The following ROBO2 variants were observed in gnomAD, a reference collection of about 807,000 sequenced individuals.
The protein encoded by ROBO2 is roundabout guidance receptor 2.
In ROBO2, 53 loss-of-function variants were observed where a neutral mutation model predicts 160.8. The observed-to-expected ratio is 0.33, with a 90% CI of 0.26 to 0.41. ROBO2 has a LOEUF of 0.41. Among genes scored for constraint, ROBO2 ranks in the 10% least tolerant of loss-of-function variants. The pLI, the probability that ROBO2 is intolerant of heterozygous loss-of-function variation, is 1.00. For synonymous variants in ROBO2, 664 were observed against 611.7 expected (o/e 1.09, Z -1.26); for missense variants, 1,577 against 1,722.4 (o/e 0.92, Z 1.49).
intron 2 of ROBO2, among the ~76,000 whole-genome samples, chr3:77,446,988 T>C (rs569809396): frequency 6.6e-6 from 1 of 152,198 alleles, no homozygotes. Flanking sequence ...CAAAATAGTT[T>C]GGGGAAATGA....
chr3:76,675,396 C>G (rs966562849), intron 2 of ROBO2, among the ~76,000 whole-genome samples: 6 of 151,122 alleles, frequency 4.0e-5, no homozygotes, highest in Admixed American at 1.3e-4. Context: ...AGAGTTTTTG[C>G]TCCCTTTGAG....
intron 2 of ROBO2, among the ~76,000 whole-genome samples, chr3:77,396,519 A>T (rs2075297933): frequency 6.6e-6 from 1 of 152,174 alleles, no homozygotes; most frequent in Non-Finnish European, 1.5e-5. Flanking sequence ...GAGGACAATT[A>T]TGCAGAATCA....
At chr3:77,158,447 G>A (rs2078204839) in intron 2 of ROBO2, among the ~76,000 whole-genome samples, 1 of 152,042 alleles carries the variant, frequency 6.6e-6, no homozygotes, top group Non-Finnish European at 1.5e-5. Flanking sequence ...ATGTAACTGG[G>A]GATACTGCAG....
chr3:77,467,948 A>C (rs947720367), intron 2 of ROBO2, among the ~76,000 whole-genome samples: 3 of 152,200 alleles, frequency 2.0e-5, no homozygotes, highest in African/African-American at 4.8e-5. Context: ...TTTGTTCTGC[A>C]GCTGAGCAAG....
At chr3:77,174,978 G>A (rs978102112) in intron 2 of ROBO2, among the ~76,000 whole-genome samples, 3 of 151,950 alleles carry the variant, frequency 2.0e-5, no homozygotes, top group East Asian at 1.9e-4. Flanking sequence ...GTCACCATAC[G>A]GTTTTTGTTT....
chr3:76,075,340 A>T (rs988722098), intron 2 of ROBO2, among the ~76,000 whole-genome samples: 3 of 152,024 alleles, frequency 2.0e-5, no homozygotes, highest in Non-Finnish European at 2.9e-5. Context: ...TGAATGTGAC[A>T]GAATGCAGAG....
chr3:75,967,137 A>G (rs1462502851), intron 2 of ROBO2, among the ~76,000 whole-genome samples: 2 of 151,712 alleles, frequency 1.3e-5, no homozygotes, highest in Admixed American at 6.6e-5. Context: ...GTACACCAAT[A>G]TAACTATTTA....
chr3:77,541,916 T>TG (rs2092479653), intron 6 of ROBO2, among the ~76,000 whole-genome samples: 1 of 152,150 alleles, frequency 6.6e-6, no homozygotes, highest in Admixed American at 6.5e-5. Flanking sequence ...TTTAAGCATG[T>TG]GTTTGGAATT....
At chr3:77,304,554 T>A (rs1361035367) in intron 2 of ROBO2, among the ~76,000 whole-genome samples, 1 of 152,122 alleles carries the variant, frequency 6.6e-6, no homozygotes, top group African/African-American at 2.4e-5. Flanking sequence ...AACTTACAAA[T>A]GTCAAACATG....
At chr3:76,332,255 G>A (rs1174128978) in intron 2 of ROBO2, among the ~76,000 whole-genome samples, 2 of 152,146 alleles carry the variant, frequency 1.3e-5, no homozygotes, top group Non-Finnish European at 2.9e-5. Context: ...AAAAGAGCCT[G>A]TGAATAATAT....
intron 1 of ROBO2, among the ~76,000 whole-genome samples, chr3:77,093,659 T>G (rs2150042036): frequency 6.6e-6 from 1 of 152,284 alleles, no homozygotes; most frequent in African/African-American, 2.4e-5. Context: ...ATGTCTGAAT[T>G]TAAGAAAGCT....
intron 2 of ROBO2, among the ~76,000 whole-genome samples, chr3:77,163,055 C>G (rs1228008442): frequency 6.6e-6 from 1 of 151,882 alleles, no homozygotes; most frequent in Non-Finnish European, 1.5e-5. Context: ...AGGCTGGTCT[C>G]GAACTCCTGA....
In ROBO2 at chr3:76,475,711, A is replaced by G. The variant is rs1164314759; in HGVS notation, c.109+538109A>G. Among the ~76,000 whole-genome samples the G allele has an allele frequency of 2.6e-5, 4 of 152,190 alleles. No individual in the cohort carries two copies. In the East Asian group the frequency reaches 7.7e-4, roughly 29 times the overall value. On this transcript the variant is annotated intron_variant, in intron 2 of 26. Transcript: ENST00000487694. ...GCTGATTTTATTCTAAGAAGACGTGAAGTAACCTAAATGAGAAAATTCAAG... is the reference window on the plus strand; with the variant it reads ...GCTGATTTTATTCTAAGAAGACGTGGAGTAACCTAAATGAGAAAATTCAAG...
At chr3:76,455,594 A>G (rs1427245480) in intron 2 of ROBO2, among the ~76,000 whole-genome samples, 1 of 152,158 alleles carries the variant, frequency 6.6e-6, no homozygotes, top group Non-Finnish European at 1.5e-5. Flanking sequence ...TAGAAATTAG[A>G]CAAAGTTTAT....
chr3:76,795,491 T>C (rs950951926), intron 2 of ROBO2, among the ~76,000 whole-genome samples: 1 of 152,124 alleles, frequency 6.6e-6, no homozygotes, highest in Non-Finnish European at 1.5e-5. Flanking sequence ...CAGAAGTAGA[T>C]TCCATCTCAA....
intron 2 of ROBO2, among the ~76,000 whole-genome samples, chr3:76,710,045 A>G (rs267165): frequency 0.46 from 69,825 of 151,872 alleles, 16,628 homozygotes; most frequent in Non-Finnish European, 0.53. Context: ...CGTGGAGAGA[A>G]AGAGACATGG....
At chr3:76,380,651 T>G (rs1261640278) in intron 2 of ROBO2, among the ~76,000 whole-genome samples, 2 of 152,188 alleles carry the variant, frequency 1.3e-5, no homozygotes, top group East Asian at 3.9e-4. Context: ...ACTGACTGTT[T>G]ATGTTATCAG....
At chr3:76,986,215 G>T (rs906150677) in intron 2 of ROBO2, among the ~76,000 whole-genome samples, 2 of 152,096 alleles carry the variant, frequency 1.3e-5, no homozygotes, top group Non-Finnish European at 2.9e-5. Context: ...TTGCTATATA[G>T]TACGCATTGA....
At chr3:77,176,598 T>C (rs1391157616) in intron 2 of ROBO2, among the ~76,000 whole-genome samples, 1 of 152,032 alleles carries the variant, frequency 6.6e-6, no homozygotes, top group Non-Finnish European at 1.5e-5. Context: ...TTGTTCCATT[T>C]TATGAATTGA....
Sources: allele counts gnomAD v4.1 joint callset (sites outside exome capture counted in the v4.1 genomes callset), GRCh38; gene constraint gnomAD v4.1.1; transcripts MANE v1.5; gene names NCBI Gene and HGNC (gene_info 2026-07-23, HGNC 2026-07-21).